FOXN3: variants seen among roughly 807,000 people sequenced by gnomAD.
FOXN3 encodes the protein forkhead box protein N3.
Under a neutral mutation model 38.4 loss-of-function variants are expected in FOXN3, and 7 were observed. The observed-to-expected ratio is 0.18, with a 90% confidence interval of 0.10 to 0.34. The LOEUF is 0.34. Ranked by LOEUF, FOXN3 falls within the 10% of genes least tolerant of loss-of-function variation. The pLI is 1.00. For missense variants in FOXN3, 456 were observed against 613.4 expected, an observed-to-expected ratio of 0.74 and a Z score of 2.71; for synonymous variants, 230 against 242.2, an observed-to-expected ratio of 0.95 and a Z score of 0.47.
At chr14:89,506,198 G>A (rs1260293598) in intron 1 of FOXN3, among the ~76,000 whole-genome samples, 1 of 71,128 alleles carries the variant, frequency 1.4e-5, no homozygotes, top group Admixed American at 1.5e-4. Context: ...GGCGGTGAGG[G>A]GCGCCTCTGC....
intron 5 of FOXN3, among the ~76,000 whole-genome samples, chr14:89,167,743 A>G (rs1243049900): frequency 6.6e-6 from 1 of 152,262 alleles, no homozygotes; most frequent in African/African-American, 2.4e-5. Flanking sequence ...AGAGACCCAT[A>G]GAGACATACA....
At chr14:89,289,646 G>A (rs1267480793) in intron 3 of FOXN3, among the ~76,000 whole-genome samples, 1 of 152,058 alleles carries the variant, frequency 6.6e-6, no homozygotes, top group Non-Finnish European at 1.5e-5. Context: ...GGTCTTTCAA[G>A]GACAAAGAAC....
At chr14:89,487,692 T>C (rs918018456) in intron 1 of FOXN3, among the ~76,000 whole-genome samples, 1 of 152,104 alleles carries the variant, frequency 6.6e-6, no homozygotes, top group South Asian at 2.1e-4. Context: ...GAGTCAGAGA[T>C]GATAAAGAAC....
At chr14:89,450,590 C>CT (rs35023413) in intron 1 of FOXN3, among the ~76,000 whole-genome samples, 3,205 of 144,334 alleles carry the variant, frequency 0.022, 51 homozygotes, top group Middle Eastern at 0.059. Flanking sequence ...TTCATCTTTC[C>CT]TTTTTTTTTT....
At chr14:89,345,550 T>C (rs1203047510) in intron 3 of FOXN3, among the ~76,000 whole-genome samples, 1 of 152,162 alleles carries the variant, frequency 6.6e-6, no homozygotes. Flanking sequence ...ATAAATTCTT[T>C]AGTGGTGATT....
intron 3 of FOXN3, among the ~76,000 whole-genome samples, chr14:89,283,883 C>CA (rs1361302085): frequency 6.6e-6 from 1 of 152,140 alleles, no homozygotes; most frequent in African/African-American, 2.4e-5. Flanking sequence ...GGTTTTTTGA[C>CA]AGAGTCTCGC....
intron 4 of FOXN3, among the ~76,000 whole-genome samples, chr14:89,247,179 A>G (rs1222802478): frequency 6.6e-6 from 1 of 152,188 alleles, no homozygotes; most frequent in Non-Finnish European, 1.5e-5. Flanking sequence ...CTCCTGTGCA[A>G]AAACAGTGAT....
At chr14:89,202,025 A>G (rs1888248335) in intron 4 of FOXN3, among the ~76,000 whole-genome samples, 1 of 152,220 alleles carries the variant, frequency 6.6e-6, no homozygotes, top group African/African-American at 2.4e-5. Flanking sequence ...AGAAGGAAAG[A>G]TTCCATCTCA....
intron 1 of FOXN3, 137 bp downstream of exon 1, chr14:89,416,734 C>A (rs943858530): frequency 6.6e-6 from 1 of 152,346 alleles, no homozygotes; most frequent in Non-Finnish European, 1.5e-5. Context: ...CACACCCGAC[C>A]CTCCCCCCAG....
intron 2 of FOXN3, among the ~76,000 whole-genome samples, chr14:89,386,894 A>C (rs969446090): frequency 1.3e-5 from 2 of 152,132 alleles, no homozygotes; most frequent in Non-Finnish European, 2.9e-5. Flanking sequence ...CAATCCAATC[A>C]GATTAGGACC....
intron 4 of FOXN3, among the ~76,000 whole-genome samples, chr14:89,262,094 C>T (rs879668357): frequency 1.3e-5 from 2 of 151,680 alleles, no homozygotes; most frequent in Non-Finnish European, 2.9e-5. Flanking sequence ...CAGAGAGAGA[C>T]CCTGTCTCAA....
intron 1 of FOXN3, among the ~76,000 whole-genome samples, chr14:89,464,031 G>A (rs1240763262): frequency 6.6e-6 from 1 of 150,882 alleles, no homozygotes; most frequent in East Asian, 1.9e-4. Flanking sequence ...TGATCCACAT[G>A]CCTCGACCCC....
At chr14:89,208,463 T>A (rs1888442697) in intron 4 of FOXN3, among the ~76,000 whole-genome samples, 1 of 152,244 alleles carries the variant, frequency 6.6e-6, no homozygotes, top group Non-Finnish European at 1.5e-5. Context: ...ATGATGTGCA[T>A]CTACTGTCTA....
intron 1 of FOXN3, among the ~76,000 whole-genome samples, chr14:89,500,930 T>C (rs555223282): frequency 2.2e-4 from 33 of 152,338 alleles, no homozygotes; most frequent in African/African-American, 7.9e-4. Flanking sequence ...CATTCTGAAA[T>C]TATCACAGTG....
At chr14:89,447,514 T>C (rs1431833165) in intron 1 of FOXN3, among the ~76,000 whole-genome samples, 4 of 152,120 alleles carry the variant, frequency 2.6e-5, no homozygotes, top group African/African-American at 9.7e-5. Context: ...TTTCTGAACT[T>C]TCACCAGCCC....
Position 89,571,068 on chromosome 14 carries a change from C to T in FOXN3, c.-15+47960G>A, listed in dbSNP as rs149710006. 2.5e-4 allele frequency among the ~76,000 whole-genome samples: 38 copies of T among 152,324 alleles called. No individual in the cohort carries two copies. The South Asian group carries it at 6.0e-3, about 24-fold the overall frequency. ...ACTCAGCACTGCACTCAAAGACTGT[C>T]CCCTCAAACTTTTGTTCAAAACCTA... On this transcript the variant is annotated intron_variant, in intron 1 of 6. Transcript: ENST00000345097.
intron 3 of FOXN3, among the ~76,000 whole-genome samples, chr14:89,311,640 C>CA (rs200129297): frequency 0.02 from 3,047 of 151,768 alleles, 97 homozygotes; most frequent in African/African-American, 0.068. Flanking sequence ...TCCTGGCTAA[C>CA]CGGATGAAAC....
chr14:89,431,719 T>C (rs1010648916), intron 1 of FOXN3, among the ~76,000 whole-genome samples: 4 of 152,280 alleles, frequency 2.6e-5, no homozygotes, highest in Non-Finnish European at 5.9e-5. Flanking sequence ...CATAGTGCTG[T>C]GGTTGTTGTT....
chr14:89,302,495 C>A lies in FOXN3; in HGVS notation c.681-21481G>T, dbSNP rs529857421. Among the ~76,000 whole-genome samples, 3 of 152,158 alleles carry A rather than the reference C, an allele frequency of 2.0e-5. No individual in the cohort carries two copies. The East Asian group carries it at 5.8e-4, about 29-fold the overall frequency. On this transcript the variant is annotated intron_variant, in intron 3 of 5. Transcript: ENST00000557258. ...CCTATGGCGAATAAAGAGGACCACA[C>A]AATTGAAGCTTTAAACATAACCCGA...
Sources: gnomAD v4.1 joint callset for allele counts (sites outside exome capture counted in the v4.1 genomes callset) on GRCh38, gnomAD v4.1.1 for gene constraint, MANE v1.5 for transcripts, NCBI Gene and HGNC (gene_info 2026-07-23, HGNC 2026-07-21) for gene names.